Variants in SGIP1 observed in about 807,000 individuals in gnomAD.
The protein encoded by SGIP1 is SH3-containing GRB2-like protein 3-interacting protein 1.
SGIP1 carries 38 observed loss-of-function variants against 107.5 expected under a neutral mutation model. That is an observed-to-expected ratio of 0.35 (90% CI 0.27 to 0.46). SGIP1 has a LOEUF of 0.46. Among genes scored for constraint, SGIP1 ranks in the 20% least tolerant of loss-of-function variants. The pLI is 1.00. For synonymous variants in SGIP1, 365 were observed against 366.1 expected, an observed-to-expected ratio of 1.00 and a Z score of 0.03; for missense variants, 929 against 1,019.5, an observed-to-expected ratio of 0.91 and a Z score of 1.21.
At chr1:66,586,188 T>C (rs975481307) in intron 1 of SGIP1, among the ~76,000 whole-genome samples, 1 of 152,194 alleles carries the variant, frequency 6.6e-6, no homozygotes, top group Non-Finnish European at 1.5e-5. Context: ...GTCTTCATAA[T>C]ATATTTTCCC....
intron 2 of SGIP1, among the ~76,000 whole-genome samples, chr1:66,627,453 A>G (rs931132091): frequency 6.6e-6 from 1 of 152,198 alleles, no homozygotes; most frequent in African/African-American, 2.4e-5. Context: ...GACCAGGACC[A>G]GATAGGAAGG....
chr1:66,571,020 G>A (rs564552039), intron 1 of SGIP1, among the ~76,000 whole-genome samples: 5 of 152,106 alleles, frequency 3.3e-5, no homozygotes, highest in Non-Finnish European at 4.4e-5. Flanking sequence ...GTAACTGTGA[G>A]TGGGTCAACC....
intron 1 of SGIP1, among the ~76,000 whole-genome samples, chr1:66,597,490 G>A (rs1185093941): frequency 6.6e-6 from 1 of 152,146 alleles, no homozygotes; most frequent in Non-Finnish European, 1.5e-5. Context: ...GGAGGTAGGG[G>A]GAGTATTCTG....
At chr1:66,611,721 C>T (rs1364779686) in intron 1 of SGIP1, among the ~76,000 whole-genome samples, 1 of 152,114 alleles carries the variant, frequency 6.6e-6, no homozygotes, top group African/African-American at 2.4e-5. Flanking sequence ...CCTAACAGCA[C>T]TCTCTGATGG....
At chr1:66,712,162 T>C (rs2092961034) in intron 18 of SGIP1, among the ~76,000 whole-genome samples, 1 of 152,300 alleles carries the variant, frequency 6.6e-6, no homozygotes, top group Admixed American at 6.5e-5. Flanking sequence ...AGATAACACA[T>C]GTGAATCATT....
chr1:66,602,585 A>T (rs1474038036), intron 1 of SGIP1, among the ~76,000 whole-genome samples: 2 of 152,194 alleles, frequency 1.3e-5, no homozygotes, highest in Non-Finnish European at 2.9e-5. Context: ...GCACATGTAT[A>T]CATATGTAAC....
rs185831713 is a variant in SGIP1, at chr1:66,740,729, G to A, written c.2299+7G>A. On this transcript the variant is annotated splice_region_variant and intron_variant, in intron 23 of 24. Coordinates refer to ENST00000371037, the MANE Select transcript of SGIP1 (RefSeq NM_032291.4). Reference sequence around the variant, plus strand: ...CAGAAGTCAGAAAATGGAGGTAATGGAATCACAAGTTTATTTTATTTAACA... The same window carrying A: ...CAGAAGTCAGAAAATGGAGGTAATGAAATCACAAGTTTATTTTATTTAACA... 4.2e-4 allele frequency: 661 copies of A among 1,587,702 alleles called. No homozygotes were observed. The highest frequency in any genetic ancestry group is 5.6e-4 in the Non-Finnish European group (646 of 1,158,840).
At chr1:66,600,163 T>C (rs2149004169) in intron 1 of SGIP1, among the ~76,000 whole-genome samples, 1 of 152,354 alleles carries the variant, frequency 6.6e-6, no homozygotes, top group East Asian at 1.9e-4. Flanking sequence ...CAGTCAGCCT[T>C]TGTGCCTTTG....
chr1:66,614,556 G>C (rs781212430), intron 1 of SGIP1, among the ~76,000 whole-genome samples: 1 of 152,094 alleles, frequency 6.6e-6, no homozygotes, highest in African/African-American at 2.4e-5. Flanking sequence ...TTATTTCTAT[G>C]TGTGTTTATC....
At chr1:66,711,115 A>G (rs2092887568) in intron 18 of SGIP1, among the ~76,000 whole-genome samples, 2 of 152,208 alleles carry the variant, frequency 1.3e-5, no homozygotes, top group African/African-American at 4.8e-5. Context: ...TTAATAAAAT[A>G]TCCTTTCACA....
At chr1:66,541,453 G>A (rs2054922029) in intron 1 of SGIP1, among the ~76,000 whole-genome samples, 1 of 152,218 alleles carries the variant, frequency 6.6e-6, no homozygotes, top group African/African-American at 2.4e-5. Context: ...TGAGTGTCAT[G>A]TCCTTGTCTT....
At chr1:66,652,124 G>A (rs2078879789) in intron 7 of SGIP1, among the ~76,000 whole-genome samples, 1 of 152,096 alleles carries the variant, frequency 6.6e-6, no homozygotes, top group African/African-American at 2.4e-5. Context: ...TATCTGTGTG[G>A]TCATAGGCGA....
chr1:66,657,543 C>T (rs980658101), intron 7 of SGIP1, among the ~76,000 whole-genome samples: 1 of 152,178 alleles, frequency 6.6e-6, no homozygotes, highest in Admixed American at 6.5e-5. Flanking sequence ...TGAGTGCATA[C>T]TTGCATTTTA....
At chr1:66,542,851 C>G (rs1250629941) in intron 1 of SGIP1, among the ~76,000 whole-genome samples, 1 of 152,118 alleles carries the variant, frequency 6.6e-6, no homozygotes, top group East Asian at 1.9e-4. Context: ...GACCTCCTTA[C>G]TAGTGGCAGA....
intron 1 of SGIP1, among the ~76,000 whole-genome samples, chr1:66,569,927 G>A (rs2060154004): frequency 6.6e-6 from 1 of 151,616 alleles, no homozygotes; most frequent in Non-Finnish European, 1.5e-5. Flanking sequence ...CAAATTGTCT[G>A]TTTCTTCTTA....
intron 18 of SGIP1, among the ~76,000 whole-genome samples, chr1:66,705,679 C>A (rs1024508360): frequency 1.3e-5 from 2 of 152,174 alleles, no homozygotes; most frequent in Non-Finnish European, 1.5e-5. Context: ...GGGAGAATAA[C>A]TTTCAGTAGT....
chr1:66,534,373 G>A lies in SGIP1; in HGVS notation c.10+5G>A. ...ATTCTGCCACCATGATGGAAGGTAG[G>A]ATGCTTTCTGCTATGGTTGACTGGC... On this transcript the variant is annotated splice_donor_5th_base_variant and intron_variant, in intron 1 of 24. Coordinates refer to ENST00000371037, the MANE Select transcript of SGIP1 (RefSeq NM_032291.4). 1.2e-6 allele frequency: 2 copies of A among 1,614,184 alleles called. No individual in the cohort carries two copies. Among genetic ancestry groups the A allele is most frequent in the East Asian group, 2.2e-5 (1 of 44,888 alleles).
At chr1:66,546,332 C>T (rs1192740577) in intron 1 of SGIP1, among the ~76,000 whole-genome samples, 1 of 152,142 alleles carries the variant, frequency 6.6e-6, no homozygotes, top group Non-Finnish European at 1.5e-5. Context: ...TTAATCATTT[C>T]CTCTGATTTT....
intron 8 of SGIP1, 51 bp downstream of exon 8, chr1:66,660,575 T>C: frequency 6.6e-7 from 1 of 1,521,288 alleles, no homozygotes; most frequent in Non-Finnish European, 9.1e-7. Flanking sequence ...TTATTCTGTT[T>C]ATTTTCATTA....
Sources: allele counts gnomAD v4.1 joint callset (sites outside exome capture counted in the v4.1 genomes callset), GRCh38; gene constraint gnomAD v4.1.1; transcripts MANE v1.5; gene names NCBI Gene and HGNC (gene_info 2026-07-23, HGNC 2026-07-21).